The following ZNF423 variants were observed in gnomAD, a reference collection of about 807,000 sequenced individuals.
ZNF423 encodes the protein Ebf-associated zinc finger protein.
A neutral mutation model predicts 95.8 loss-of-function variants in ZNF423; 12 were observed. That is an observed-to-expected ratio of 0.13 (90% CI 0.08 to 0.20). The LOEUF is 0.20. Ranked by LOEUF, ZNF423 falls within the 10% of genes least tolerant of loss-of-function variation. The probability of loss-of-function intolerance (pLI) is 1.00; values close to 1 mark genes in which losing one functional copy is unlikely to be tolerated. For synonymous variants in ZNF423, 749 were observed against 711.9 expected, an observed-to-expected ratio of 1.05 and a Z score of -0.83; for missense variants, 1,316 against 1,737.1, an observed-to-expected ratio of 0.76 and a Z score of 4.31.
intron 3 of ZNF423, among the ~76,000 whole-genome samples, chr16:49,682,017 C>T (rs1196620595): frequency 6.6e-6 from 1 of 151,602 alleles, no homozygotes. Context: ...CTTTTGCTCT[C>T]TGCCTCCCCT....
chr16:49,677,108 C>G (rs2031083584), intron 3 of ZNF423, among the ~76,000 whole-genome samples: 1 of 150,592 alleles, frequency 6.6e-6, no homozygotes. Flanking sequence ...GTCCCAGCTA[C>G]CCAGAAGGCT....
intron 1 of ZNF423, among the ~76,000 whole-genome samples, chr16:49,791,643 T>C (rs1169188964): frequency 6.6e-6 from 1 of 152,116 alleles, no homozygotes; most frequent in Non-Finnish European, 1.5e-5. Flanking sequence ...AGGTCAGATA[T>C]GTTAAATTTG....
chr16:49,698,059 A>T (rs1243205185), intron 3 of ZNF423, among the ~76,000 whole-genome samples: 1 of 152,168 alleles, frequency 6.6e-6, no homozygotes, highest in Admixed American at 6.5e-5. Flanking sequence ...CTGCCCAGCC[A>T]GGAGATGGAG....
chr16:49,724,299 C>T (rs1328582706), intron 3 of ZNF423, among the ~76,000 whole-genome samples: 1 of 152,202 alleles, frequency 6.6e-6, no homozygotes, highest in African/African-American at 2.4e-5. Flanking sequence ...TCTGTGTTTC[C>T]TAACTGGAAG....
chr16:49,491,648 C>T (rs1257009987), intron 7 of ZNF423, among the ~76,000 whole-genome samples: 1 of 150,116 alleles, frequency 6.7e-6, no homozygotes, highest in African/African-American at 2.5e-5. Flanking sequence ...TTAAAAACAT[C>T]CCTGTTCACC....
intron 2 of ZNF423, among the ~76,000 whole-genome samples, chr16:49,746,107 C>T (rs997205054): frequency 2.6e-5 from 4 of 152,180 alleles, no homozygotes; most frequent in Non-Finnish European, 4.4e-5. Context: ...TCAGTTTCCC[C>T]ACCTGTAACA....
At chr16:49,840,046 A>T (rs995409390) in intron 1 of ZNF423, among the ~76,000 whole-genome samples, 1 of 152,224 alleles carries the variant, frequency 6.6e-6, no homozygotes, top group Non-Finnish European at 1.5e-5. Context: ...TGCCTGGTAC[A>T]TAGTAGGTTC....
chr16:49,748,195 T>G (rs368669686), intron 2 of ZNF423, among the ~76,000 whole-genome samples: 9 of 152,352 alleles, frequency 5.9e-5, no homozygotes, highest in African/African-American at 2.2e-4. Flanking sequence ...AGGTGCACAA[T>G]AACCCCGTGT....
chr16:49,523,179 C>T (rs1311523709), intron 7 of ZNF423, among the ~76,000 whole-genome samples: 1 of 152,198 alleles, frequency 6.6e-6, no homozygotes, highest in East Asian at 1.9e-4. Flanking sequence ...GGCACCACTA[C>T]TCTTCTTTTC....
chr16:49,730,654 A>AC, intron 3 of ZNF423, 117 bp downstream of exon 3: 1 of 1,105,514 alleles, frequency 9.0e-7, no homozygotes, highest in Non-Finnish European at 1.3e-6. Flanking sequence ...CAATAAAATG[A>AC]CATTAACTGT....
chr16:49,749,223 A>T (rs1455634990), intron 2 of ZNF423, among the ~76,000 whole-genome samples: 3 of 152,114 alleles, frequency 2.0e-5, no homozygotes, highest in Non-Finnish European at 4.4e-5. Context: ...GAGTGGGTGC[A>T]GGAAGGACCC....
chr16:49,858,723 C>T (rs1567375415), upstream of ZNF423, among the ~76,000 whole-genome samples: 1 of 137,136 alleles, frequency 7.3e-6, no homozygotes, highest in African/African-American at 2.7e-5. This position sits in a 1 kb window ranked among gnomAD's most constrained non-coding sequence, Gnocchi z 4.3. Flanking sequence ...AGGAGCCCCC[C>T]CCCCCACGCC....
chr16:49,577,294 C>T (rs1970529773), intron 5 of ZNF423, among the ~76,000 whole-genome samples: 1 of 152,206 alleles, frequency 6.6e-6, no homozygotes, highest in South Asian at 2.1e-4. Context: ...GATCTATGCA[C>T]TCTACATACT....
chr16:49,800,683 C>T (rs919618016), intron 1 of ZNF423, among the ~76,000 whole-genome samples: 1 of 152,190 alleles, frequency 6.6e-6, no homozygotes, highest in African/African-American at 2.4e-5. Context: ...TGGCACAGTG[C>T]CGGGTATCCC....
At chr16:49,822,609 G>A (rs2034958349) in intron 1 of ZNF423, 17 of 1,401,568 alleles carry the variant, frequency 1.2e-5, no homozygotes, top group Non-Finnish European at 1.7e-5. Flanking sequence ...TCTAGTTCGA[G>A]CTCCTTCTGT....
rs566780634 is a variant in ZNF423, at chr16:49,730,925, C to T, written c.147G>A (p.Ala49=). The T allele has an allele frequency of 1.8e-5, 29 of 1,614,186 alleles. No individual in the cohort carries two copies. Among genetic ancestry groups the T allele is most frequent in the African/African-American group, 6.7e-5 (5 of 75,048 alleles). The part of the protein sequence containing the change: ...EPECDQKTSR[A]LEDRNSVTSQ... Reference sequence around the variant, plus strand: ...TTGTCACGCTGTTCCTGTCTTCCAGCGCACGGCTGGTTTTCTGATCGCACT... The same window carrying T: ...TTGTCACGCTGTTCCTGTCTTCCAGTGCACGGCTGGTTTTCTGATCGCACT... The change falls in exon 3 of 8, where the codon GCG becomes GCA. Residue 49 remains alanine (A), a synonymous_variant. Coordinates refer to ENST00000563137, the MANE Select transcript of ZNF423 (RefSeq NM_001379286.1).
chr16:49,591,033 CAT>C (rs1294283044), intron 5 of ZNF423, among the ~76,000 whole-genome samples: 3 of 152,246 alleles, frequency 2.0e-5, no homozygotes, highest in African/African-American at 4.8e-5. Flanking sequence ...GATGTAGAGA[CAT>C]GTGTGCTGAC....
intron 5 of ZNF423, among the ~76,000 whole-genome samples, chr16:49,586,737 G>A (rs1460804868): frequency 5.9e-5 from 9 of 152,168 alleles, no homozygotes; most frequent in Admixed American, 5.9e-4. Flanking sequence ...TCCCTTCACA[G>A]CACAGTATTC....
chr16:49,563,545 G>T (rs1034103296), intron 5 of ZNF423, among the ~76,000 whole-genome samples: 1 of 152,206 alleles, frequency 6.6e-6, no homozygotes, highest in Non-Finnish European at 1.5e-5. Flanking sequence ...GAGAGATGCT[G>T]TCATTATCTT....
Sources: allele counts gnomAD v4.1 joint callset (sites outside exome capture counted in the v4.1 genomes callset), GRCh38; gene constraint gnomAD v4.1.1; non-coding constraint Gnocchi (gnomAD v3.1); transcripts MANE v1.5; gene names NCBI Gene and HGNC (gene_info 2026-07-23, HGNC 2026-07-21).